The following PUDP variants were observed in gnomAD, a reference collection of about 807,000 sequenced individuals.
The protein encoded by PUDP is pseudouridine 5'-phosphatase.
Under a neutral mutation model 9.4 loss-of-function variants are expected in PUDP, and 8 were observed. That is an observed-to-expected ratio of 0.85 (90% CI 0.50 to 1.53). The LOEUF is 1.53. PUDP is among the 40% of genes most tolerant of loss of function. The pLI, the probability that PUDP is intolerant of heterozygous loss-of-function variation, is 0.00. For missense variants in PUDP, 188 were observed against 189.7 expected (o/e 0.99, Z 0.05); for synonymous variants, 99 against 80.7 (o/e 1.23, Z -1.22).
At chrX:7,114,066 T>TG (rs1932129176) in intron 1 of PUDP, among the ~76,000 whole-genome samples, 1 of 56,111 alleles carries the variant, frequency 1.8e-5, no homozygotes, top group Non-Finnish European at 3.7e-5. Flanking sequence ...CTCTCTCTCT[T>TG]TTTCTTTTTT....
intron 3 of PUDP, among the ~76,000 whole-genome samples, chrX:6,891,933 C>A (rs755671675): frequency 1.8e-5 from 2 of 111,819 alleles, no homozygotes; most frequent in Non-Finnish European, 3.8e-5. Context: ...TTGGACAGAT[C>A]CCATGGCCAA....
chrX:7,016,011 T>C (rs1218805858), intron 1 of PUDP, among the ~76,000 whole-genome samples: 3 of 110,100 alleles, frequency 2.7e-5, no homozygotes, highest in Non-Finnish European at 5.7e-5. Flanking sequence ...AGAGGGATTC[T>C]AGTTTCTAAG....
chrX:6,980,098 T>TTTCCTTCC (rs745385509), intron 1 of PUDP, among the ~76,000 whole-genome samples: 2 of 107,600 alleles, frequency 1.9e-5, no homozygotes, highest in African/African-American at 3.4e-5. Flanking sequence ...CTTCTTCTTC[T>TTTCCTTCC]TTCCTTCCTT....
chrX:6,826,389 G>T lies in PUDP; in HGVS notation c.*248-119923C>A, dbSNP rs1009297336. On this transcript the variant is annotated intron_variant and NMD_transcript_variant, in intron 3 of 3. Coordinates refer to the PUDP transcript ENST00000655425. ...ATTCAATGTCTCATTATTTAAGAAG[G>T]TCCTTATCTTAGTCATTCTCCAAAG... 4.5e-5 allele frequency among the ~76,000 whole-genome samples: 5 copies of T among 111,672 alleles called. No homozygotes were observed. The East Asian group carries it at 8.4e-4, about 19-fold the overall frequency.
intron 3 of PUDP, among the ~76,000 whole-genome samples, chrX:6,783,705 T>G (rs1321672061): frequency 8.9e-6 from 1 of 112,041 alleles, no homozygotes; most frequent in Admixed American, 9.5e-5. Context: ...TGAATTGTAT[T>G]AATCAGGGTT....
intron 3 of PUDP, among the ~76,000 whole-genome samples, chrX:6,937,431 G>A (rs1234389999): frequency 2.8e-5 from 3 of 106,700 alleles, no homozygotes; most frequent in African/African-American, 1.0e-4. Flanking sequence ...CTAGCCATAT[G>A]TAGAAAGCTG....
At chrX:6,789,027 C>T (rs993717158) in intron 3 of PUDP, among the ~76,000 whole-genome samples, 3 of 111,600 alleles carry the variant, frequency 2.7e-5, no homozygotes, top group Admixed American at 1.9e-4. Flanking sequence ...CGGTGGCTCA[C>T]GCCTGTAATC....
chrX:6,803,961 T>TG (rs1379743696), intron 3 of PUDP, among the ~76,000 whole-genome samples: 7 of 109,427 alleles, frequency 6.4e-5, no homozygotes, highest in Non-Finnish European at 1.3e-4. Flanking sequence ...TAATTCGGGG[T>TG]GGGGGGGATG....
At chrX:7,126,804 T>C (rs1932497362) in intron 1 of PUDP, among the ~76,000 whole-genome samples, 1 of 111,759 alleles carries the variant, frequency 8.9e-6, no homozygotes. Flanking sequence ...GTTATTCATC[T>C]TCATCTACTT....
At chrX:6,982,635 C>A (rs1336561714) in intron 1 of PUDP, among the ~76,000 whole-genome samples, 2 of 112,331 alleles carry the variant, frequency 1.8e-5, no homozygotes, top group Non-Finnish European at 3.8e-5. Context: ...GCAAATCTTG[C>A]AACCTCCAGA....
intron 3 of PUDP, among the ~76,000 whole-genome samples, chrX:6,756,090 T>C (rs1340376488): frequency 9.1e-6 from 1 of 109,982 alleles, no homozygotes; most frequent in African/African-American, 3.3e-5. Flanking sequence ...CCCCATAAAC[T>C]AGGAAGTAAG....
intron 1 of PUDP, among the ~76,000 whole-genome samples, chrX:7,015,423 T>C (rs1467431928): frequency 1.8e-5 from 2 of 111,706 alleles, no homozygotes; most frequent in Non-Finnish European, 3.8e-5. Flanking sequence ...CTTCTGGATG[T>C]GGGAAAAATT....
chrX:7,029,637 A>G (rs1166384854), intron 1 of PUDP, among the ~76,000 whole-genome samples: 1 of 112,010 alleles, frequency 8.9e-6, no homozygotes, highest in African/African-American at 3.2e-5. Flanking sequence ...GAGGGATTAC[A>G]GTGGTGGGGA....
chrX:6,982,345 C>T (rs1929047412), intron 1 of PUDP, among the ~76,000 whole-genome samples: 1 of 111,496 alleles, frequency 9.0e-6, no homozygotes, highest in East Asian at 2.8e-4. Context: ...AAATCAATAT[C>T]CCCGAAGGCT....
intron 2 of PUDP, among the ~76,000 whole-genome samples, chrX:7,091,428 T>A (rs2055808333): frequency 9.0e-6 from 1 of 111,702 alleles, no homozygotes; most frequent in Admixed American, 9.4e-5. Flanking sequence ...AATCTCTGCC[T>A]CCCTAGTTCA....
chrX:6,803,241 T>C (rs1476357329), intron 3 of PUDP, among the ~76,000 whole-genome samples: 2 of 110,901 alleles, frequency 1.8e-5, no homozygotes, highest in African/African-American at 3.3e-5. Flanking sequence ...TGCAACATTC[T>C]TGATGCTAAT....
intron 3 of PUDP, among the ~76,000 whole-genome samples, chrX:6,804,657 T>C (rs1212469572): frequency 2.7e-5 from 3 of 111,419 alleles, no homozygotes; most frequent in Non-Finnish European, 5.6e-5. Context: ...CTACGCTTCC[T>C]CCTGGATTCC....
At chrX:7,065,192 C>T (rs900241335) in intron 3 of PUDP, among the ~76,000 whole-genome samples, 10 of 111,640 alleles carry the variant, frequency 9.0e-5, no homozygotes, top group African/African-American at 3.3e-4. Flanking sequence ...AAAACAAACT[C>T]GGGCTTCTCA....
At chrX:6,897,576 C>T (rs1011602874) in intron 3 of PUDP, among the ~76,000 whole-genome samples, 6 of 110,411 alleles carry the variant, frequency 5.4e-5, no homozygotes, top group Non-Finnish European at 1.1e-4. Flanking sequence ...GTTTAACTGC[C>T]CCCTGCCTCA....
Sources: allele counts gnomAD v4.1 joint callset (sites outside exome capture counted in the v4.1 genomes callset), GRCh38; gene constraint gnomAD v4.1.1; transcripts MANE v1.5; gene names NCBI Gene and HGNC (gene_info 2026-07-23, HGNC 2026-07-21).